The following ANKRD46 variants were observed in gnomAD, a reference collection of about 807,000 sequenced individuals.
ANKRD46 encodes ankyrin repeat domain 46, also known as ankyrin repeat domain-containing protein 46.
ANKRD46 carries 13 observed loss-of-function variants against 19.8 expected under a neutral mutation model. The observed-to-expected ratio is 0.66, with a 90% CI of 0.43 to 1.04. The LOEUF (loss-of-function observed/expected upper bound fraction) is 1.04, where lower values mean the gene tolerates loss of function less well. ANKRD46 is among the 50% of genes least tolerant of loss of function. The pLI is 0.00. For missense variants in ANKRD46, 185 were observed against 274.8 expected, an observed-to-expected ratio of 0.67 and a Z score of 2.31; for synonymous variants, 91 against 106.9, an observed-to-expected ratio of 0.85 and a Z score of 0.92.
In ANKRD46 at chr8:100,510,919, G is replaced by A. The variant is rs917043663; in HGVS notation, c.637-280C>T. Among the ~76,000 whole-genome samples, 2 of 152,136 alleles carry A rather than the reference G, an allele frequency of 1.3e-5. No individual in the cohort carries two copies. Among genetic ancestry groups the A allele is most frequent in the Non-Finnish European group, 2.9e-5 (2 of 68,028 alleles). ...AGGTATTATTTAATGAAAGCTCAAA[G>A]AGCTGAAGCCATCTGGGAACCTAAT... On this transcript the variant is annotated intron_variant, in intron 5 of 5. Transcript: ENST00000520552. This position sits in a 1 kb window ranked among gnomAD's most constrained non-coding sequence, Gnocchi z 4.9.
rs937178821 is a variant in ANKRD46, at chr8:100,543,079, C to A, written c.-130-9768G>T. Among the ~76,000 whole-genome samples, 27 of 152,160 alleles carry A rather than the reference C, an allele frequency of 1.8e-4. 1 individual carries two copies. Among genetic ancestry groups the A allele is most frequent in the Admixed American group, 1.7e-3 (26 of 15,276 alleles). On this transcript the variant is annotated intron_variant, in intron 1 of 4. Transcript: ENST00000335659. The surrounding 1 kb of genome is among the most constrained non-coding windows in gnomAD (Gnocchi z 4.2). ...GTTCCTATATCAGTTTCCCATGGAG[C>A]TATTTTTGCAAACTGCCCAGAGACC... is the stretch of plus-strand genomic sequence containing the variant.
rs887319642 is a variant in ANKRD46 at position 100,544,113 on chromosome 8, A to G, written c.-130-10802T>C. On this transcript the variant is annotated intron_variant, in intron 1 of 4. Transcript: ENST00000335659. The surrounding 1 kb of genome is among the most constrained non-coding windows in gnomAD (Gnocchi z 4.4). ...TTTATATTGCCTTACACTTTAGGAA[A>G]TATTTCTCATTTATTCTCTCAATCT... is the stretch of plus-strand genomic sequence containing the variant. Among the ~76,000 whole-genome samples, 4 of 152,132 alleles carry G rather than the reference A, an allele frequency of 2.6e-5. No homozygotes were observed. Among genetic ancestry groups the G allele is most frequent in the African/African-American group, 7.2e-5 (3 of 41,420 alleles).
intron 1 of ANKRD46, among the ~76,000 whole-genome samples, chr8:100,535,832 T>C (rs1812054600): frequency 6.6e-6 from 1 of 152,240 alleles, no homozygotes; most frequent in Non-Finnish European, 1.5e-5. Flanking sequence ...TCTCCAGTTT[T>C]TGGCCATTGT....
At position 100,544,355 on chromosome 8, in the gene ANKRD46, T is replaced by C. The variant is rs1219005340; in HGVS notation, c.-130-11044A>G. On this transcript the variant is annotated intron_variant, in intron 1 of 4. Coordinates refer to ENST00000335659, the MANE Select transcript of ANKRD46 (RefSeq NM_001270377.2). The surrounding 1 kb of genome is among the most constrained non-coding windows in gnomAD (Gnocchi z 4.4). ...CTAAAGTTGGGGAGGGGCCTAGCAA[T>C]TGGAGAAAAGACTATAATCAACATC... is the stretch of plus-strand genomic sequence containing the variant. 6.6e-6 allele frequency among the ~76,000 whole-genome samples: 1 copy of C among 152,142 alleles called. No individual in the cohort carries two copies. The highest frequency in any genetic ancestry group is 2.4e-5 in the African/African-American group (1 of 41,416).
In ANKRD46 at chr8:100,521,296, C is replaced by CA. The variant is rs1229212155; in HGVS notation, c.*1258dup. 1.0e-6 allele frequency: 1 copy of CA among 985,172 alleles called. No individual in the cohort carries two copies. Among genetic ancestry groups the CA allele is most frequent in the Non-Finnish European group, 1.2e-6 (1 of 829,874 alleles). The allele number at this position is 985,172 out of a possible 1,614,324, so 61.0% of individuals were successfully genotyped here. On this transcript the variant is annotated 3_prime_UTR_variant, in exon 5 of 5. Transcript: ENST00000335659. Reference sequence around the variant, plus strand: ...AGCAATAGCTTAGGTGCCTTTATTCCAAAAAACAAAACCATTAGTTCTTTC... The same window carrying CA: ...AGCAATAGCTTAGGTGCCTTTATTCCAAAAAAACAAAACCATTAGTTCTTTC...
rs1812473712 is a variant in ANKRD46, at chr8:100,555,419, G to A, written c.-131+4292C>T. ...ATCCAGAAAAATACTGTGCTCTCAGGGACATACAAAAAATTAAGAACTCAG... is the reference window on the plus strand; with the variant it reads ...ATCCAGAAAAATACTGTGCTCTCAGAGACATACAAAAAATTAAGAACTCAG... On this transcript the variant is annotated intron_variant, in intron 1 of 4. Coordinates refer to ENST00000335659, the MANE Select transcript of ANKRD46 (RefSeq NM_001270377.2). Among the ~76,000 whole-genome samples the A allele has an allele frequency of 2.0e-5, 3 of 149,526 alleles. No homozygotes were observed. In the South Asian group the frequency reaches 6.5e-4, roughly 32 times the overall value.
At chr8:100,551,518 C>G in intron 1 of ANKRD46, 1 of 809,734 alleles carries the variant, frequency 1.2e-6, no homozygotes, top group South Asian at 1.3e-5. Flanking sequence ...TGATGACAAG[C>G]TTCCCATTCT....
At position 100,522,783 on chromosome 8, in the gene ANKRD46, G is replaced by GA; in HGVS notation, c.471-13dup. The GA allele has an allele frequency of 6.3e-7, 1 of 1,595,174 alleles. No individual in the cohort carries two copies. Among genetic ancestry groups the GA allele is most frequent in the Non-Finnish European group, 8.5e-7 (1 of 1,170,102 alleles). On this transcript the variant is annotated splice_polypyrimidine_tract_variant and intron_variant, in intron 4 of 4. Transcript: ENST00000335659. ...GGCTTTCCATGGCACTGTGGAAGAA[G>GA]AAAGAGCAAAAAGGGCATTAAAAAA...
chr8:100,555,722 TAAAAAAAAAAAAAAAAAAAAAAAAAAA>T (rs59521764), intron 1 of ANKRD46, among the ~76,000 whole-genome samples: 2 of 53,264 alleles, frequency 3.8e-5, no homozygotes, highest in East Asian at 9.9e-4. Flanking sequence ...TTTCCTCAGC[TAAAAAAAAAAAAAAAAAAAAAAAAAAA>T]AAAAAAAAAA....
intron 1 of ANKRD46, among the ~76,000 whole-genome samples, chr8:100,540,890 C>CT (rs1163531289): frequency 6.6e-6 from 1 of 151,916 alleles, no homozygotes; most frequent in Non-Finnish European, 1.5e-5. Context: ...AGTTTATAGT[C>CT]TATCATTACA....
rs115285930 is a variant in ANKRD46, at chr8:100,524,575, A to T, written c.471-1804T>A. ...ATGATGTTTTCAGTGGGAATCTACAACACCACAGTAATTTTGGAACACTTG... is the reference window on the plus strand; with the variant it reads ...ATGATGTTTTCAGTGGGAATCTACATCACCACAGTAATTTTGGAACACTTG... On this transcript the variant is annotated intron_variant, in intron 4 of 4. Coordinates refer to ENST00000335659, the MANE Select transcript of ANKRD46 (RefSeq NM_001270377.2). This position sits in a 1 kb window ranked among gnomAD's most constrained non-coding sequence, Gnocchi z 4.3. Among the ~76,000 whole-genome samples, 5,000 of 152,162 alleles carry T rather than the reference A, an allele frequency of 0.033. 282 individuals are homozygous for T. The highest frequency in any genetic ancestry group is 0.11 in the African/African-American group (4,633 of 41,460).
chr8:100,558,674 TAGAC>T (rs1318533001), intron 1 of ANKRD46, among the ~76,000 whole-genome samples: 3 of 152,302 alleles, frequency 2.0e-5, no homozygotes, highest in Admixed American at 6.5e-5. Flanking sequence ...ATAAAACTCT[TAGAC>T]AGCGCTACAT....
Position 100,550,527 on chromosome 8 carries a change from C to CTTTTTTTTTTT in ANKRD46, c.-131+9173_-131+9183dup, listed in dbSNP as rs34381045. 6.9e-6 allele frequency: 1 copy of CTTTTTTTTTTT among 145,266 alleles called. No individual in the cohort carries two copies. The highest frequency in any genetic ancestry group is 2.5e-5 in the African/African-American group (1 of 39,378). The allele number at this position is 145,266 out of a possible 1,614,324, so 9.0% of individuals were successfully genotyped here. On this transcript the variant is annotated intron_variant, in intron 1 of 4. Coordinates refer to ENST00000335659, the MANE Select transcript of ANKRD46 (RefSeq NM_001270377.2). This position sits in a 1 kb window ranked among gnomAD's most constrained non-coding sequence, Gnocchi z 4.4. ...TAAAATCAGGTTGTTCATTTTCTAT[C>CTTTTTTTTTTT]TTTTTTTTTTTTTTGAGTACAGAGG... is the stretch of plus-strand genomic sequence containing the variant.
chr8:100,522,085 A>C lies in ANKRD46; in HGVS notation c.*470T>G, dbSNP rs1362804467. ...ACACAAGATTTGAAAAAAGTACTTC[A>C]AGTTTTATCTCTTATCCCTAGAGAA... On this transcript the variant is annotated 3_prime_UTR_variant, in exon 5 of 5. Transcript: ENST00000335659. 4 of 987,050 alleles carry C rather than the reference A, an allele frequency of 4.1e-6. No homozygotes were observed. In the East Asian group the frequency reaches 3.4e-4, roughly 83 times the overall value. The allele number at this position is 987,050 out of a possible 1,614,324, so 61.1% of individuals were successfully genotyped here.
intron 5 of ANKRD46, among the ~76,000 whole-genome samples, chr8:100,513,988 C>T (rs1811589622): frequency 6.6e-6 from 1 of 152,192 alleles, no homozygotes; most frequent in Admixed American, 6.5e-5. Context: ...AACTCTGACC[C>T]AGAGTCTTCA....
chr8:100,540,124 T>C (rs1243919758), intron 1 of ANKRD46, among the ~76,000 whole-genome samples: 2 of 152,234 alleles, frequency 1.3e-5, no homozygotes, highest in South Asian at 2.1e-4. Context: ...GTTTTTCCTA[T>C]AATAACTCAT....
chr8:100,552,177 T>A (rs934698443), intron 1 of ANKRD46, among the ~76,000 whole-genome samples: 10 of 149,900 alleles, frequency 6.7e-5, no homozygotes, highest in African/African-American at 2.5e-4. Flanking sequence ...AAAAGAAATG[T>A]GTTATTTAAT....
At chr8:100,551,027 C>G in intron 1 of ANKRD46, 1 of 514,048 alleles carries the variant, frequency 1.9e-6, no homozygotes, top group South Asian at 1.6e-5. Context: ...ACACGGAAGG[C>G]CATGCTAGTG....
At chr8:100,513,342 T>C (rs947326322) in intron 5 of ANKRD46, among the ~76,000 whole-genome samples, 1 of 152,220 alleles carries the variant, frequency 6.6e-6, no homozygotes. Context: ...ACTTAACTTC[T>C]TAAGCCTCAC....
Sources: gnomAD v4.1 joint callset for allele counts (sites outside exome capture counted in the v4.1 genomes callset) on GRCh38, gnomAD v4.1.1 for gene constraint, Gnocchi (gnomAD v3.1) non-coding constraint, MANE v1.5 for transcripts, NCBI Gene and HGNC (gene_info 2026-07-23, HGNC 2026-07-21) for gene names.